NPAS4: variants seen among roughly 807,000 people sequenced by gnomAD.
The protein encoded by NPAS4 is neuronal PAS domain-containing protein 4.
Under a neutral mutation model 64.0 loss-of-function variants are expected in NPAS4, and 10 were observed. The ratio of observed to expected loss-of-function variants is 0.16; its 90% CI spans 0.10 to 0.26. The LOEUF (loss-of-function observed/expected upper bound fraction) is 0.26. NPAS4 is among the 10% of genes least tolerant of loss of function. The probability of loss-of-function intolerance (pLI) is 1.00; values close to 1 mark genes in which losing one functional copy is unlikely to be tolerated. For missense variants in NPAS4, 886 were observed against 992.6 expected (o/e 0.89, Z 1.44); for synonymous variants, 441 against 411.7 (o/e 1.07, Z -0.86).
chr11:66,421,415 G>A (rs2134640847), intron 1 of NPAS4, 61 bp downstream of exon 1: 2 of 1,523,580 alleles, frequency 1.3e-6, no homozygotes, highest in East Asian at 4.5e-5. Flanking sequence ...CTGGAGCTGA[G>A]GGAACCCGCT....
At chr11:66,410,750 A>G in the NPAS4 span, 2 of 152,388 alleles carry the variant, frequency 1.3e-5, no homozygotes, top group Non-Finnish European at 1.5e-5. Flanking sequence ...CGTCACTCCA[A>G]TTATGAGTCT....
chr11:66,417,740 C>T (rs1173896407), upstream of NPAS4, among the ~76,000 whole-genome samples: 1 of 151,632 alleles, frequency 6.6e-6, no homozygotes, highest in East Asian at 1.9e-4. Flanking sequence ...GACAGAAAGG[C>T]ATATGGAAAA....
chr11:66,409,668 G>C, the NPAS4 span, among the ~76,000 whole-genome samples: 2 of 152,200 alleles, frequency 1.3e-5, no homozygotes, highest in Admixed American at 1.3e-4. Flanking sequence ...TGATTGACTA[G>C]GGCCACATGG....
chr11:66,422,857 C>T lies in NPAS4; in HGVS notation c.614C>T (p.Pro205Leu). 1 of 1,613,018 alleles carries T rather than the reference C, an allele frequency of 6.2e-7. No homozygotes were observed. The highest frequency in any genetic ancestry group is 2.2e-5 in the East Asian group (1 of 44,878). Reference sequence around the variant, plus strand: ...CCGAGACCCCGCCCAGGTCCTGGCCCTGGCCCTGGCCCTGCCTCGCTCTTC... The same window carrying T: ...CCGAGACCCCGCCCAGGTCCTGGCCTTGGCCCTGGCCCTGCCTCGCTCTTC... ...LEPRPRPGPG[P>L]GPGPASLFLA... Residue 205 changes from proline (P) to leucine (L), a missense_variant, in exon 4 of 8, where the codon CCT becomes CTT. By Grantham distance (98) the Pro-to-Leu change is moderately conservative. Transcript: ENST00000311034.
chr11:66,410,563 C>T, the NPAS4 span: 2 of 152,232 alleles, frequency 1.3e-5, no homozygotes, highest in Non-Finnish European at 2.9e-5. Context: ...GCCTCCTGGC[C>T]CAGGCTCCTC....
upstream of NPAS4, among the ~76,000 whole-genome samples, chr11:66,419,977 C>T (rs934051436): frequency 6.6e-6 from 1 of 152,114 alleles, no homozygotes; most frequent in Non-Finnish European, 1.5e-5. Flanking sequence ...CCCTCCGGAG[C>T]GGTGCGGAGG....
the NPAS4 span, among the ~76,000 whole-genome samples, chr11:66,412,313 G>A: frequency 3.2e-3 from 487 of 152,302 alleles, 2 homozygotes; most frequent in African/African-American, 0.011. Flanking sequence ...GCTGCTGCCC[G>A]GGGAAGGAGC....
At chr11:66,420,859 T>G, upstream of NPAS4, 1 of 309,526 alleles carries the variant, frequency 3.2e-6, no homozygotes, top group Non-Finnish European at 6.1e-6. Flanking sequence ...CCCTCTCTCA[T>G]TCTACGTCAT....
chr11:66,423,967 T>C lies in NPAS4; in HGVS notation c.1077T>C (p.Thr359=), dbSNP rs1317062167. 9.3e-6 allele frequency: 15 copies of C among 1,614,026 alleles called. No individual in the cohort carries two copies. Among genetic ancestry groups the C allele is most frequent in the Non-Finnish European group, 1.3e-5 (15 of 1,180,022 alleles). ...TTTCCCAGGAAGAGTGCTCCAGCACTAACCCACTCTTCACCGCAGCACTGG... is the reference window on the plus strand; with the variant it reads ...TTTCCCAGGAAGAGTGCTCCAGCACCAACCCACTCTTCACCGCAGCACTGG... The part of the protein sequence containing the change: ...NILSQEECSS[T]NPLFTAALGA... The change falls in exon 7 of 8, where the codon ACT becomes ACC. Residue 359 remains threonine, a synonymous_variant. Transcript: ENST00000311034.
rs1433101144 is a variant in NPAS4, at chr11:66,426,087, C to A, written c.*98C>A. The A allele has an allele frequency of 5.8e-6, 5 of 860,214 alleles. No homozygotes were observed. The highest frequency in any genetic ancestry group is 9.7e-6 in the Non-Finnish European group (5 of 516,648). The allele number at this position is 860,214 out of a possible 1,614,324, so 53.3% of individuals were successfully genotyped here. On this transcript the variant is annotated 3_prime_UTR_variant, in exon 8 of 8. Transcript: ENST00000311034. ...GGGACTGTTGGGGGGATTCTGAGGG[C>A]CAGAGGGGGATATATATGATTCCCC...
In NPAS4 at chr11:66,424,237, C is replaced by T; in HGVS notation, c.1347C>T (p.Pro449=). The change falls in exon 7 of 8, where the codon CCC becomes CCT. Residue 449 remains proline (P), a synonymous_variant. Transcript: ENST00000311034. The part of the protein sequence containing the change: ...SLHEPFQTHL[P]TPSSTLQEQL... ...ATGAGCCCTTCCAGACCCATTTGCC[C>T]ACCCCATCCAGCACTCTTCAAGAAC... 1 of 1,614,102 alleles carries T rather than the reference C, an allele frequency of 6.2e-7. No homozygotes were observed. Among genetic ancestry groups the T allele is most frequent in the Non-Finnish European group, 8.5e-7 (1 of 1,180,026 alleles).
At position 66,422,665 on chromosome 11, in the gene NPAS4, T is replaced by C. The variant is rs1462332262; in HGVS notation, c.431-9T>C. 1 of 1,613,648 alleles carries C rather than the reference T, an allele frequency of 6.2e-7. No individual in the cohort carries two copies. The highest frequency in any genetic ancestry group is 1.1e-5 in the South Asian group (1 of 91,072). On this transcript the variant is annotated splice_polypyrimidine_tract_variant and intron_variant, in intron 3 of 7. Coordinates refer to ENST00000311034, the MANE Select transcript of NPAS4 (RefSeq NM_178864.4). ...ACCCTCTTATCTGTTTTTCTCTTCA[T>C]CTATCTAGATCGCCTCTTCCGCTGC...
the NPAS4 span, chr11:66,410,178 A>G: frequency 6.6e-6 from 1 of 152,220 alleles, no homozygotes; most frequent in Non-Finnish European, 1.5e-5. Flanking sequence ...TTTGACCGGG[A>G]CCTGGGAGGG....
intron 1 of NPAS4, among the ~76,000 whole-genome samples, chr11:66,421,745 C>CT (rs1200275297): frequency 6.6e-6 from 1 of 152,226 alleles, no homozygotes; most frequent in Non-Finnish European, 1.5e-5. Context: ...CTCCTGTCGC[C>CT]TTCGGGGCGC....
intron 1 of NPAS4, 45 bp from the exon 2 acceptor site, chr11:66,422,075 C>T (rs1856752576): frequency 2.5e-6 from 4 of 1,576,586 alleles, no homozygotes; most frequent in African/African-American, 2.7e-5. Context: ...TTCTTCTCTG[C>T]CTCCCAGTCT....
the NPAS4 span, chr11:66,410,633 C>A: frequency 6.6e-6 from 1 of 152,364 alleles, no homozygotes; most frequent in Non-Finnish European, 1.5e-5. Flanking sequence ...CACCATGAAC[C>A]AAGGACCTGG....
chr11:66,411,994 G>A, the NPAS4 span, among the ~76,000 whole-genome samples: 3 of 152,228 alleles, frequency 2.0e-5, no homozygotes, highest in Non-Finnish European at 4.4e-5. Context: ...CAAGGTGTGG[G>A]TAGGTGCCTC....
chr11:66,414,816 C>G, the NPAS4 span, among the ~76,000 whole-genome samples: 1 of 152,128 alleles, frequency 6.6e-6, no homozygotes, highest in Non-Finnish European at 1.5e-5. Flanking sequence ...GTTAGAAAAC[C>G]TTTCCCTGGT....
the NPAS4 span, among the ~76,000 whole-genome samples, chr11:66,412,953 A>T: frequency 7.0e-4 from 107 of 152,336 alleles, no homozygotes; most frequent in African/African-American, 2.4e-3. Flanking sequence ...TTCTCTGAGG[A>T]ACATCTCTCC....
Sources: allele counts gnomAD v4.1 joint callset (sites outside exome capture counted in the v4.1 genomes callset), GRCh38; gene constraint gnomAD v4.1.1; transcripts MANE v1.5; gene names NCBI Gene and HGNC (gene_info 2026-07-23, HGNC 2026-07-21).